The following GRXCR1 variants were observed in gnomAD, a reference collection of about 807,000 sequenced individuals.
GRXCR1 encodes glutaredoxin domain-containing cysteine-rich protein 1.
GRXCR1 carries 27 observed loss-of-function variants against 27.3 expected under a neutral mutation model. The ratio of observed to expected loss-of-function variants is 0.99; its 90% confidence interval spans 0.73 to 1.37. GRXCR1 has a LOEUF of 1.37. Among genes scored for constraint, GRXCR1 ranks in the 40% most tolerant of loss-of-function variants. The pLI is 0.00. For missense variants in GRXCR1, 379 were observed against 354.4 expected (o/e 1.07, Z -0.56); for synonymous variants, 122 against 131.1 (o/e 0.93, Z 0.47).
chr4:42,908,576 T>C (rs1486743074), intron 1 of GRXCR1, among the ~76,000 whole-genome samples: 1 of 152,208 alleles, frequency 6.6e-6, no homozygotes, highest in East Asian at 1.9e-4. Context: ...AAAGTCCTTC[T>C]ATTTGTTAGT....
At chr4:43,019,526 C>T (rs1399711136) in intron 2 of GRXCR1, among the ~76,000 whole-genome samples, 2 of 152,122 alleles carry the variant, frequency 1.3e-5, no homozygotes, top group Non-Finnish European at 1.5e-5. Context: ...ACATGGTCTC[C>T]GTCTTTGATT....
chr4:42,953,522 C>T (rs1358838645), intron 1 of GRXCR1, among the ~76,000 whole-genome samples: 1 of 152,156 alleles, frequency 6.6e-6, no homozygotes, highest in Non-Finnish European at 1.5e-5. Context: ...ATGATTACAG[C>T]CCCAGGCTTC....
intron 1 of GRXCR1, among the ~76,000 whole-genome samples, chr4:42,897,749 T>G (rs1177874969): frequency 2.0e-5 from 3 of 152,032 alleles, no homozygotes; most frequent in Non-Finnish European, 4.4e-5. Context: ...GATTTTGTAA[T>G]TTCTTTAGCA....
At chr4:42,970,768 T>C (rs1177396008) in intron 2 of GRXCR1, among the ~76,000 whole-genome samples, 2 of 152,192 alleles carry the variant, frequency 1.3e-5, no homozygotes, top group Non-Finnish European at 2.9e-5. Flanking sequence ...GTCTTGGCTA[T>C]TAACATTCAG....
In GRXCR1 at chr4:43,003,079, C is replaced by T. The variant is rs114148982; in HGVS notation, c.628-17275C>T. Among the ~76,000 whole-genome samples, 741 of 152,280 alleles carry T rather than the reference C, an allele frequency of 4.9e-3. 10 individuals are homozygous for T. Among genetic ancestry groups the T allele is most frequent in the African/African-American group, 0.017 (703 of 41,548 alleles). ...CACATGAAGAAGATCCTTTCTTCCC[C>T]CTTTGCCTTCTGTCATGATTGTAAG... On this transcript the variant is annotated intron_variant, in intron 2 of 3. Transcript: ENST00000399770.
rs141870006 is a variant in GRXCR1 at position 42,929,457 on chromosome 4, G to A, written c.385-33435G>A. ...GCAGAAATCTTGTCATCAGGCAGGAGAGACAGAGATGAAGCAGAAGAGGAG... is the reference window on the plus strand; with the variant it reads ...GCAGAAATCTTGTCATCAGGCAGGAAAGACAGAGATGAAGCAGAAGAGGAG... On this transcript the variant is annotated intron_variant, in intron 1 of 3. Coordinates refer to ENST00000399770, the MANE Select transcript of GRXCR1 (RefSeq NM_001080476.3). 4.5e-3 allele frequency among the ~76,000 whole-genome samples: 680 copies of A among 152,136 alleles called. 7 individuals carry two copies. The highest frequency in any genetic ancestry group is 0.016 in the African/African-American group (655 of 41,548).
intron 1 of GRXCR1, among the ~76,000 whole-genome samples, chr4:42,917,625 T>C (rs1746913794): frequency 5.3e-5 from 8 of 152,138 alleles, no homozygotes; most frequent in Admixed American, 5.2e-4. Context: ...AGGATGGAGG[T>C]ACAGAGGGCT....
intron 1 of GRXCR1, among the ~76,000 whole-genome samples, chr4:42,940,763 C>G (rs776475941): frequency 5.3e-5 from 8 of 151,898 alleles, no homozygotes; most frequent in Non-Finnish European, 7.4e-5. Context: ...TCACTTTTTA[C>G]TCTCGTTTTT....
intron 1 of GRXCR1, among the ~76,000 whole-genome samples, chr4:42,923,441 T>A (rs1747068919): frequency 6.6e-6 from 1 of 152,108 alleles, no homozygotes; most frequent in African/African-American, 2.4e-5. Context: ...GCAAACAAAA[T>A]ATATCTTCTA....
At chr4:42,918,059 G>C (rs1157667510) in intron 1 of GRXCR1, among the ~76,000 whole-genome samples, 1 of 152,092 alleles carries the variant, frequency 6.6e-6, no homozygotes, top group Non-Finnish European at 1.5e-5. Flanking sequence ...GCAGAGATCA[G>C]AATAAATACT....
At chr4:42,914,409 C>T (rs1390454350) in intron 1 of GRXCR1, among the ~76,000 whole-genome samples, 2 of 152,104 alleles carry the variant, frequency 1.3e-5, no homozygotes, top group African/African-American at 4.8e-5. Context: ...AATAACTGCC[C>T]TATTGAATTT....
chr4:42,966,360 A>G (rs898708360), intron 2 of GRXCR1, among the ~76,000 whole-genome samples: 9 of 152,190 alleles, frequency 5.9e-5, no homozygotes, highest in African/African-American at 2.2e-4. Context: ...GTCTCTGGTG[A>G]CAGAGAGAGG....
chr4:43,025,659 G>A (rs892412341), intron 3 of GRXCR1, among the ~76,000 whole-genome samples: 4 of 152,150 alleles, frequency 2.6e-5, no homozygotes, highest in African/African-American at 7.2e-5. Flanking sequence ...CAACGTTTCC[G>A]CAGCAGTCAA....
At chr4:42,967,414 G>T (rs936878329) in intron 2 of GRXCR1, among the ~76,000 whole-genome samples, 3 of 151,724 alleles carry the variant, frequency 2.0e-5, no homozygotes, top group African/African-American at 7.3e-5. Context: ...CTGTTCTATT[G>T]GCCATTTATC....
At chr4:43,004,256 C>T (rs1213862616) in intron 2 of GRXCR1, among the ~76,000 whole-genome samples, 1 of 152,226 alleles carries the variant, frequency 6.6e-6, no homozygotes, top group East Asian at 1.9e-4. Flanking sequence ...GCTTTGCGAG[C>T]TTCTGCCTAG....
chr4:42,947,426 G>T (rs181420618), intron 1 of GRXCR1, among the ~76,000 whole-genome samples: 1 of 152,234 alleles, frequency 6.6e-6, no homozygotes, highest in East Asian at 1.9e-4. Context: ...CAATGAAAAA[G>T]AAATAATAAT....
chr4:42,936,746 GT>G (rs1360626850), intron 1 of GRXCR1, among the ~76,000 whole-genome samples: 1 of 151,776 alleles, frequency 6.6e-6, no homozygotes, highest in Admixed American at 6.6e-5. Context: ...TGCTGGTCAG[GT>G]TTTTAAAGAA....
chr4:42,972,063 A>AAAAT (rs1748401331), intron 2 of GRXCR1, among the ~76,000 whole-genome samples: 3 of 152,172 alleles, frequency 2.0e-5, no homozygotes, highest in Admixed American at 6.5e-5. Context: ...TGTCTGGCTA[A>AAAAT]TTTTTAAATT....
chr4:42,908,405 T>A (rs4861235), intron 1 of GRXCR1, among the ~76,000 whole-genome samples: 66,661 of 151,994 alleles, frequency 0.44, 15,031 homozygotes, highest in African/African-American at 0.5. Flanking sequence ...CTGGGCTTGA[T>A]CCAGAACCCT....
Sources: allele counts gnomAD v4.1 joint callset (sites outside exome capture counted in the v4.1 genomes callset), GRCh38; gene constraint gnomAD v4.1.1; transcripts MANE v1.5; gene names NCBI Gene and HGNC (gene_info 2026-07-23, HGNC 2026-07-21).